The following PDZD7 variants were observed in gnomAD, a reference collection of about 807,000 sequenced individuals.
PDZD7 encodes PDZ domain-containing protein 7.
PDZD7 carries 72 observed loss-of-function variants against 84.7 expected under a neutral mutation model. The observed-to-expected ratio is 0.85, with a 90% CI of 0.70 to 1.03. PDZD7 has a LOEUF of 1.03. PDZD7 is among the 50% of genes least tolerant of loss of function. PDZD7 has a pLI of 0.00. For missense variants in PDZD7, 1,490 were observed against 1,412.9 expected (o/e 1.05, Z -0.87); for synonymous variants, 594 against 580.7 (o/e 1.02, Z -0.33).
At chr10:101,028,323 C>T (rs1400928235) in intron 2 of PDZD7, among the ~76,000 whole-genome samples, 2 of 152,184 alleles carry the variant, frequency 1.3e-5, no homozygotes, top group African/African-American at 2.4e-5. Context: ...CATGGTGGCT[C>T]ATGCCTATAA....
In PDZD7 at chr10:101,010,570, A is replaced by G. The variant is rs807022; in HGVS notation, c.2319T>C (p.Arg773=). The G allele has an allele frequency of 0.83, 1,254,682 of 1,515,998 alleles. 518,457 individuals carry two copies. Among genetic ancestry groups the G allele is most frequent in the Non-Finnish European group, 0.84 (951,745 of 1,132,450 alleles). 93.9% of individuals were successfully genotyped at this position (1,515,998 alleles called of 1,614,324 possible). ...TGCGGCTGCGGCTACGGCTGCGGCT[A>G]CGGCTCTGAGCCCGGCCCCGGATCT... The part of the protein sequence containing the change: ...QSQIRGRAQS[R]SRSRSRSRSR... The change falls in exon 15 of 17, where the codon CGT becomes CGC. Residue 773 remains arginine (R), a synonymous_variant. Coordinates refer to ENST00000619208, the MANE Select transcript of PDZD7 (RefSeq NM_001195263.2).
At chr10:101,021,198 G>A (rs1434500340) in intron 6 of PDZD7, among the ~76,000 whole-genome samples, 1 of 152,112 alleles carries the variant, frequency 6.6e-6, no homozygotes, top group Non-Finnish European at 1.5e-5. Context: ...GGGGGAAGGC[G>A]GCAGAGGAGG....
At position 101,010,533 on chromosome 10, in the gene PDZD7, G is replaced by GGCTGCT. The variant is rs1852358307; in HGVS notation, c.2350_2355dup (p.Ser784_Ser785dup). On this transcript the variant is annotated inframe_insertion, in exon 15 of 17. Transcript: ENST00000619208. ...CTACCTGGAGACTTGCCTTGACCCC[G>GGCTGCT]GCTGCTGCGGCTGCGGCTGCGGCTA... 2 of 1,438,958 alleles carry GGCTGCT rather than the reference G, an allele frequency of 1.4e-6. No homozygotes were observed. Among genetic ancestry groups the GGCTGCT allele is most frequent in the South Asian group, 1.3e-5 (1 of 79,050 alleles). 89.1% of individuals were successfully genotyped at this position (1,438,958 alleles called of 1,614,324 possible).
Position 101,024,073 on chromosome 10 carries a change from G to A in PDZD7, c.227-5C>T. On this transcript the variant is annotated splice_region_variant and splice_polypyrimidine_tract_variant and intron_variant, in intron 2 of 16. Coordinates refer to ENST00000619208, the MANE Select transcript of PDZD7 (RefSeq NM_001195263.2). ...TGTCACTTTCATCACTGTTGGCTGT[G>A]AGGACAGGGATTTAGGGATGCCCCC... 1 of 1,614,262 alleles carries A rather than the reference G, an allele frequency of 6.2e-7. No homozygotes were observed. The highest frequency in any genetic ancestry group is 8.5e-7 in the Non-Finnish European group (1 of 1,180,046).
At chr10:101,025,957 C>T (rs1489203413) in intron 2 of PDZD7, among the ~76,000 whole-genome samples, 2 of 152,110 alleles carry the variant, frequency 1.3e-5, no homozygotes, top group African/African-American at 4.8e-5. Flanking sequence ...GAGGGTCCTC[C>T]CATCTGTTAG....
rs1205747163 is a variant in PDZD7 at position 101,011,827 on chromosome 10, A to G, written c.1934-66T>C. 2.6e-6 allele frequency: 4 copies of G among 1,550,100 alleles called. No individual in the cohort carries two copies. The East Asian group carries it at 7.3e-5, about 28-fold the overall frequency. On this transcript the variant is annotated intron_variant, in intron 13 of 16. Coordinates refer to ENST00000619208, the MANE Select transcript of PDZD7 (RefSeq NM_001195263.2). Reference sequence around the variant, plus strand: ...CCAGGCTCCGGGACGGAGGCAGCTCAAGGGGCTCGGCAATCTCTGCAGCCC... The same window carrying G: ...CCAGGCTCCGGGACGGAGGCAGCTCGAGGGGCTCGGCAATCTCTGCAGCCC...
chr10:101,009,240 C>T lies in PDZD7; in HGVS notation c.2718+10G>A, dbSNP rs1298179593. ...CTCTGAGAGGGTGGGCCAGGGCATG[C>T]TTCACCCACCTGCAGGGCCCCACTG... On this transcript the variant is annotated intron_variant, in intron 16 of 16. Coordinates refer to ENST00000619208, the MANE Select transcript of PDZD7 (RefSeq NM_001195263.2). 2.0e-6 allele frequency: 3 copies of T among 1,533,010 alleles called. No homozygotes were observed. The highest frequency in any genetic ancestry group is 2.6e-6 in the Non-Finnish European group (3 of 1,144,142). The allele number at this position is 1,533,010 out of a possible 1,614,324, so 95.0% of individuals were successfully genotyped here.
intron 6 of PDZD7, among the ~76,000 whole-genome samples, chr10:101,021,433 G>T (rs951244221): frequency 1.3e-5 from 2 of 152,084 alleles, no homozygotes; most frequent in African/African-American, 4.8e-5. Context: ...GTATGCCCTG[G>T]GGATGCCCAT....
At chr10:101,015,568 C>T in intron 11 of PDZD7, 68 bp downstream of exon 11, 1 of 1,504,600 alleles carries the variant, frequency 6.6e-7, no homozygotes, top group Non-Finnish European at 8.9e-7. Context: ...GGACAGTGGC[C>T]TGAATGAATG....
At chr10:101,009,374 G>A (rs1428578318) in intron 15 of PDZD7, 24 bp from the exon 16 acceptor site, 1 of 1,523,248 alleles carries the variant, frequency 6.6e-7, no homozygotes, top group Middle Eastern at 1.7e-4. Context: ...GAAACACCGT[G>A]TGAGAGTGCA....
rs545961542 is a variant in PDZD7 at position 101,027,841 on chromosome 10, T to C, written c.226+2153A>G. On this transcript the variant is annotated intron_variant, in intron 2 of 16. Transcript: ENST00000619208. ...AGTGCTTGGTATTTGATAGGTATTT[T>C]TTTTGAATAAGTGAAAGAATAAATG... 7.9e-5 allele frequency among the ~76,000 whole-genome samples: 12 copies of C among 152,336 alleles called. No homozygotes were observed. In the East Asian group the frequency reaches 2.3e-3, roughly 29 times the overall value.
At chr10:101,011,416 G>T in intron 14 of PDZD7, 1 of 820,438 alleles carries the variant, frequency 1.2e-6, no homozygotes, top group Non-Finnish European at 1.7e-6. Context: ...AATACGACTA[G>T]CACACCAAAC....
chr10:101,020,741 G>T, intron 6 of PDZD7, 63 bp from the exon 7 acceptor site: 1 of 1,206,102 alleles, frequency 8.3e-7, no homozygotes, highest in South Asian at 1.2e-5. Context: ...AGTGAGAATG[G>T]GGCGGGGGTG....
intron 11 of PDZD7, among the ~76,000 whole-genome samples, chr10:101,014,837 A>G (rs1296408018): frequency 1.3e-5 from 2 of 152,202 alleles, no homozygotes; most frequent in Non-Finnish European, 2.9e-5. Context: ...AGTAAGATGA[A>G]GGGTGAGGGA....
chr10:101,021,886 G>T lies in PDZD7; in HGVS notation c.779C>A (p.Ala260Glu). The change falls in exon 6 of 17, where the codon GCA (alanine) becomes GAA (glutamate). Residue 260 changes from alanine (A) to glutamate (E), a missense_variant. By Grantham distance (107) the Ala-to-Glu change is moderately radical (BLOSUM62 -1). Coordinates refer to ENST00000619208, the MANE Select transcript of PDZD7 (RefSeq NM_001195263.2). Reference sequence around the variant, plus strand: ...GTCGTCAAACCTGACACCGTTGGCTGCCAGGACCTGGTCCCCCACCTTGAT... The same window carrying T: ...GTCGTCAAACCTGACACCGTTGGCTTCCAGGACCTGGTCCCCCACCTTGAT... ...NGIKVGDQVLAANGVRFDDIS... is the reference protein window; with the variant it reads ...NGIKVGDQVLEANGVRFDDIS... The T allele has an allele frequency of 6.2e-7, 1 of 1,614,140 alleles. No individual in the cohort carries two copies. Among genetic ancestry groups the T allele is most frequent in the East Asian group, 2.2e-5 (1 of 44,864 alleles).
intron 11 of PDZD7, among the ~76,000 whole-genome samples, 194 bp from the exon 12 acceptor site, chr10:101,012,452 T>A (rs1852429200): frequency 6.6e-6 from 1 of 152,186 alleles, no homozygotes; most frequent in South Asian, 2.1e-4. Flanking sequence ...AAGCCTGCAG[T>A]AATAACAGAC....
chr10:101,029,857 G>A lies in PDZD7; in HGVS notation c.226+137C>T, dbSNP rs868182609. On this transcript the variant is annotated intron_variant, in intron 2 of 16. Coordinates refer to ENST00000619208, the MANE Select transcript of PDZD7 (RefSeq NM_001195263.2). Reference sequence around the variant, plus strand: ...TGAGGAAGAGTGTATGGGTTCCCAGGCGGCCTGCCACCTCCCTGTGACTCC... The same window carrying A: ...TGAGGAAGAGTGTATGGGTTCCCAGACGGCCTGCCACCTCCCTGTGACTCC... 7 of 874,672 alleles carry A rather than the reference G, an allele frequency of 8.0e-6. No individual in the cohort carries two copies. In the African/African-American group the frequency reaches 1.0e-4, roughly 12 times the overall value. 54.2% of individuals were successfully genotyped at this position (874,672 alleles called of 1,614,324 possible).
At chr10:101,029,099 A>C (rs1937893008) in intron 2 of PDZD7, among the ~76,000 whole-genome samples, 2 of 152,192 alleles carry the variant, frequency 1.3e-5, no homozygotes, top group Non-Finnish European at 2.9e-5. Flanking sequence ...CTGCTCACAG[A>C]AAGCTCAGAC....
In PDZD7 at chr10:101,018,136, G is replaced by A. The variant is rs766182369; in HGVS notation, c.1485C>T (p.Ser495=). The A allele has an allele frequency of 6.2e-7, 1 of 1,614,192 alleles. No individual in the cohort carries two copies. The highest frequency in any genetic ancestry group is 8.5e-7 in the Non-Finnish European group (1 of 1,180,030). ...RREAWTLDSG[S]LAKTYPRLDI... is the part of the protein sequence containing the mutation. ...CCAGGCGAGGGTAAGTTTTGGCCAG[G>A]CTCCCGCTGTCCAGTGTCCAGGCCT... The change falls in exon 9 of 17, where the codon AGC becomes AGT. Residue 495 remains serine, a synonymous_variant. Coordinates refer to ENST00000619208, the MANE Select transcript of PDZD7 (RefSeq NM_001195263.2).
Sources: allele counts gnomAD v4.1 joint callset (sites outside exome capture counted in the v4.1 genomes callset), GRCh38; gene constraint gnomAD v4.1.1; transcripts MANE v1.5; gene names NCBI Gene and HGNC (gene_info 2026-07-23, HGNC 2026-07-21).